AFF2: variants seen among roughly 807,000 people sequenced by gnomAD.
AFF2 encodes the protein AF4/FMR2 family member 2.
A neutral mutation model predicts 76.9 loss-of-function variants in AFF2; 14 were observed. The observed-to-expected ratio is 0.18, with a 90% CI of 0.12 to 0.28. The LOEUF is 0.28. Ranked by LOEUF, AFF2 falls within the 10% of genes least tolerant of loss-of-function variation. The pLI, the probability that AFF2 is intolerant of heterozygous loss-of-function variation, is 1.00. For missense variants in AFF2, 868 were observed against 1,001.1 expected (o/e 0.87, Z 1.79); for synonymous variants, 398 against 366.7 (o/e 1.09, Z -0.98).
intron 20 of AFF2, 106 bp downstream of exon 20, chrX:148,987,663 T>A (rs2124432160): frequency 1.4e-6 from 1 of 704,435 alleles, no homozygotes; most frequent in Admixed American, 3.2e-5. Context: ...TCTGTCTCTC[T>A]GATTTCCAGA....
chrX:148,510,363 G>T (rs868938424), intron 1 of AFF2, among the ~76,000 whole-genome samples: 3 of 111,686 alleles, frequency 2.7e-5, no homozygotes, highest in Non-Finnish European at 3.8e-5. Context: ...GGGACAGAAG[G>T]GTTCAGCGAC....
intron 13 of AFF2, among the ~76,000 whole-genome samples, chrX:148,965,663 C>T (rs1297779570): frequency 4.5e-5 from 5 of 111,984 alleles, no homozygotes; most frequent in Non-Finnish European, 9.4e-5. Flanking sequence ...AAATTTGAGG[C>T]GCTAATGGCC....
Position 148,951,435 on chromosome X carries a change from G to A in AFF2, c.1398-2145G>A, listed in dbSNP as rs183499388. ...GTCTATTTTAGCTTAGTAATAGCAGGATGACCAGCTTCGTATTAAAAGAAA... is the reference window on the plus strand; with the variant it reads ...GTCTATTTTAGCTTAGTAATAGCAGAATGACCAGCTTCGTATTAAAAGAAA... On this transcript the variant is annotated intron_variant, in intron 9 of 20. Coordinates refer to ENST00000370460, the MANE Select transcript of AFF2 (RefSeq NM_002025.4). Among the ~76,000 whole-genome samples the A allele has an allele frequency of 3.9e-3, 435 of 111,620 alleles. 12 individuals are homozygous for A. The highest frequency in any genetic ancestry group is 4.1e-3 in the Non-Finnish European group (219 of 53,071).
At chrX:148,712,483 G>A (rs1440060939) in intron 3 of AFF2, among the ~76,000 whole-genome samples, 1 of 111,918 alleles carries the variant, frequency 8.9e-6, no homozygotes, top group Admixed American at 9.5e-5. Flanking sequence ...AGATCACACA[G>A]TGTGTGTTTC....
intron 2 of AFF2, among the ~76,000 whole-genome samples, chrX:148,654,447 A>G (rs1427103751): frequency 2.7e-5 from 3 of 111,578 alleles, no homozygotes; most frequent in Non-Finnish European, 5.6e-5. Context: ...AATGTTTTGC[A>G]TGGAGGAAAA....
intron 1 of AFF2, among the ~76,000 whole-genome samples, chrX:148,572,267 C>T (rs1569551428): frequency 1.8e-5 from 2 of 111,470 alleles, no homozygotes; most frequent in Non-Finnish European, 3.8e-5. Context: ...CAAGTGTTGG[C>T]GAGGATGTCG....
intron 5 of AFF2, among the ~76,000 whole-genome samples, chrX:148,839,894 GGTGTGTGTGTGTGTGT>G (rs200060298): frequency 2.3e-5 from 2 of 87,031 alleles, no homozygotes; most frequent in East Asian, 7.6e-4. Context: ...GTTGGGGCAT[GGTGTGTGTGTGTGTGT>G]GTGTGTGTGT....
At chrX:148,893,459 G>C (rs1488664610) in intron 8 of AFF2, among the ~76,000 whole-genome samples, 4 of 112,067 alleles carry the variant, frequency 3.6e-5, no homozygotes, top group African/African-American at 1.3e-4. Flanking sequence ...ATACAGAGAT[G>C]CATAGAAGTG....
intron 3 of AFF2, among the ~76,000 whole-genome samples, chrX:148,726,053 C>A (rs1378574042): frequency 1.8e-5 from 2 of 111,332 alleles, no homozygotes; most frequent in Admixed American, 9.6e-5. Flanking sequence ...ACTTAACATG[C>A]AGTCAAACTC....
chrX:148,829,937 C>A (rs782029090), intron 4 of AFF2, among the ~76,000 whole-genome samples: 1 of 112,285 alleles, frequency 8.9e-6, no homozygotes, highest in Non-Finnish European at 1.9e-5. Flanking sequence ...AAATCTCTTT[C>A]ATGTGAAAGA....
chrX:148,806,122 C>G (rs1040948765), intron 3 of AFF2, among the ~76,000 whole-genome samples: 2 of 112,977 alleles, frequency 1.8e-5, no homozygotes, highest in Non-Finnish European at 3.7e-5. Flanking sequence ...AGTGCCACCA[C>G]TAGCTCTCTT....
intron 3 of AFF2, among the ~76,000 whole-genome samples, chrX:148,699,267 TGCTTACATGCATATGGA>T (rs781856140): frequency 8.4e-4 from 94 of 112,306 alleles, no homozygotes; most frequent in African/African-American, 3.0e-3. Flanking sequence ...GCAATGTGTG[TGCTTACATGCATATGGA>T]AGTGCGCATA....
At chrX:148,980,673 T>C (rs2072380666) in intron 18 of AFF2, 65 bp from the exon 19 acceptor site, 1 of 929,697 alleles carries the variant, frequency 1.1e-6, no homozygotes, top group Non-Finnish European at 1.5e-6. Flanking sequence ...CTTCCATCTG[T>C]TTCTGAATTA....
chrX:148,660,250 A>G (rs1364387696), intron 2 of AFF2, among the ~76,000 whole-genome samples: 7 of 111,712 alleles, frequency 6.3e-5, no homozygotes, highest in African/African-American at 2.3e-4. Flanking sequence ...GGTGCTGATA[A>G]TGAGGCCAAG....
chrX:148,656,433 G>A (rs1557257103), intron 2 of AFF2, among the ~76,000 whole-genome samples: 2 of 108,643 alleles, frequency 1.8e-5, no homozygotes, highest in African/African-American at 6.7e-5. Flanking sequence ...AACAATGTGT[G>A]TGTTCATTTA....
intron 9 of AFF2, among the ~76,000 whole-genome samples, chrX:148,918,430 A>T (rs1293645808): frequency 8.9e-6 from 1 of 112,077 alleles, no homozygotes; most frequent in African/African-American, 3.2e-5. Flanking sequence ...GGGTAGATTG[A>T]TAGGAGAGAG....
chrX:148,551,369 A>G (rs1387515683), intron 1 of AFF2, among the ~76,000 whole-genome samples: 2 of 108,671 alleles, frequency 1.8e-5, no homozygotes, highest in African/African-American at 6.7e-5. Context: ...ATGTTTAGGC[A>G]CACAATTAGC....
chrX:148,921,478 G>T (rs1248078065), intron 9 of AFF2, among the ~76,000 whole-genome samples: 1 of 111,992 alleles, frequency 8.9e-6, no homozygotes, highest in Non-Finnish European at 1.9e-5. Context: ...ACTTATTCTG[G>T]ATATTTCATA....
At chrX:148,505,676 C>G (rs1354973759) in intron 1 of AFF2, among the ~76,000 whole-genome samples, 1 of 111,452 alleles carries the variant, frequency 9.0e-6, no homozygotes, top group Non-Finnish European at 1.9e-5. Context: ...AATGAAATGG[C>G]CTTCTCTGGA....
Sources: allele counts gnomAD v4.1 joint callset (sites outside exome capture counted in the v4.1 genomes callset), GRCh38; gene constraint gnomAD v4.1.1; transcripts MANE v1.5; gene names NCBI Gene and HGNC (gene_info 2026-07-23, HGNC 2026-07-21).